Variants in VWF observed in about 807,000 individuals in gnomAD.
VWF encodes the protein Factor VIII related antigen.
VWF carries 176 observed loss-of-function variants against 308.6 expected under a neutral mutation model. The observed-to-expected ratio is 0.57, with a 90% CI of 0.50 to 0.65. VWF has a LOEUF of 0.65. Ranked by LOEUF, VWF falls within the 30% of genes least tolerant of loss-of-function variation. The pLI is 0.00. For missense variants in VWF, 3,146 were observed against 3,648.2 expected (o/e 0.86, Z 3.55); for synonymous variants, 1,385 against 1,443.4 (o/e 0.96, Z 0.92).
At chr12:6,001,250 T>C (rs955077615) in intron 34 of VWF, among the ~76,000 whole-genome samples, 1 of 152,026 alleles carries the variant, frequency 6.6e-6, no homozygotes, top group African/African-American at 2.4e-5. Flanking sequence ...GAAAAATATA[T>C]AACAAACAAT....
At chr12:6,106,875 CAAAAAAAA>C (rs201177758) in intron 5 of VWF, among the ~76,000 whole-genome samples, 383 of 34,806 alleles carry the variant, frequency 0.011, 5 homozygotes, top group African/African-American at 0.033. Context: ...AACTCCGACT[CAAAAAAAA>C]AAAAAAAAAA....
intron 6 of VWF, among the ~76,000 whole-genome samples, chr12:6,083,774 TG>T (rs1299426077): frequency 6.6e-6 from 1 of 152,170 alleles, no homozygotes; most frequent in Non-Finnish European, 1.5e-5. Flanking sequence ...CCCTTGCAGC[TG>T]GGGGCAGCCA....
At chr12:5,972,891 T>C (rs1943492879) in intron 43 of VWF, among the ~76,000 whole-genome samples, 1 of 152,106 alleles carries the variant, frequency 6.6e-6, no homozygotes. Flanking sequence ...AAACAAAGAC[T>C]CAAAGAACAC....
intron 47 of VWF, among the ~76,000 whole-genome samples, chr12:5,963,232 G>C (rs1490978493): frequency 6.6e-6 from 1 of 152,072 alleles, no homozygotes; most frequent in African/African-American, 2.4e-5. Flanking sequence ...ACCTTATAAA[G>C]GACTAGTATC....
chr12:6,012,125 C>A lies in VWF; in HGVS notation c.5626G>T (p.Val1876Phe), dbSNP rs776478608. ...CCATCCTCATCCATGCAAATCCTAA[C>A]AAATCCTGCAACAGACACAAATAAG... ...SFLHKLCSGFVRICMDEDGNE... is the reference protein window; with the variant it reads ...SFLHKLCSGFFRICMDEDGNE... The change falls in exon 33 of 52, where the codon GTT becomes TTT. Residue 1876 changes from valine to phenylalanine, a missense_variant. Coordinates refer to ENST00000261405, the MANE Select transcript of VWF (RefSeq NM_000552.5). The A allele has an allele frequency of 6.2e-7, 1 of 1,613,920 alleles. No individual in the cohort carries two copies. Among genetic ancestry groups the A allele is most frequent in the African/African-American group, 1.3e-5 (1 of 74,914 alleles).
rs143713553 is a variant in VWF at position 6,017,779 on chromosome 12, T to C, written c.5053+586A>G. 6.6e-3 allele frequency among the ~76,000 whole-genome samples: 1,009 copies of C among 152,300 alleles called. 47 individuals carry two copies. The highest frequency in any genetic ancestry group is 0.058 in the Admixed American group (889 of 15,300). ...TTTGCCTCATCCTTTGTATAGACGA[T>C]ATACAAAGAGGTTAAGTATTTGCCC... On this transcript the variant is annotated intron_variant, in intron 28 of 51. Transcript: ENST00000261405.
intron 10 of VWF, among the ~76,000 whole-genome samples, chr12:6,068,930 C>T (rs539932988): frequency 3.3e-5 from 5 of 149,768 alleles, no homozygotes; most frequent in South Asian, 4.2e-4. Flanking sequence ...CATCACAGCT[C>T]ACTGCAGCCT....
intron 42 of VWF, among the ~76,000 whole-genome samples, chr12:5,981,148 T>C (rs147869135): frequency 1.6e-4 from 25 of 152,334 alleles, no homozygotes; most frequent in African/African-American, 5.8e-4. Context: ...AGTAGTTGCT[T>C]AGTAAATATT....
intron 34 of VWF, among the ~76,000 whole-genome samples, chr12:6,007,266 C>A (rs1049643716): frequency 1.3e-5 from 2 of 152,170 alleles, no homozygotes; most frequent in Non-Finnish European, 2.9e-5. Context: ...CCAACAACAG[C>A]AAATTATACA....
At chr12:6,088,216 C>T (rs1288799054) in intron 6 of VWF, among the ~76,000 whole-genome samples, 2 of 150,596 alleles carry the variant, frequency 1.3e-5, no homozygotes, top group South Asian at 2.1e-4. Context: ...CGGTGGCTCA[C>T]GCCTGTAATC....
intron 27 of VWF, chr12:6,021,699 C>T: frequency 1.5e-6 from 1 of 655,310 alleles, no homozygotes; most frequent in Non-Finnish European, 2.5e-6. Context: ...TAGTCCATCC[C>T]TAAAGAAAAA....
Position 6,123,662 on chromosome 12 carries a change from T to C in VWF, c.1-466A>G, listed in dbSNP as rs570411993. Among the ~76,000 whole-genome samples the C allele has an allele frequency of 4.1e-4, 62 of 152,298 alleles. 1 individual carries two copies. In the South Asian group the frequency reaches 0.013, roughly 32 times the overall value. On this transcript the variant is annotated intron_variant, in intron 1 of 51. Coordinates refer to ENST00000261405, the MANE Select transcript of VWF (RefSeq NM_000552.5). ...AACCACCAACTTGACGGTTTGCTTGTTGGCCCCTGACTCTGTACCACAAGT... is the reference window on the plus strand; with the variant it reads ...AACCACCAACTTGACGGTTTGCTTGCTGGCCCCTGACTCTGTACCACAAGT...
Position 6,025,799 on chromosome 12 carries a change from G to A in VWF, c.3109-106C>T, listed in dbSNP as rs118072723. The A allele has an allele frequency of 1.2e-3, 1,915 of 1,596,060 alleles. 31 individuals are homozygous for A. The East Asian group carries it at 0.037, about 31-fold the overall frequency. On this transcript the variant is annotated intron_variant, in intron 23 of 51. Transcript: ENST00000261405. Reference sequence around the variant, plus strand: ...CCTTCCCACCCTGCAGCCACCTGGAGGTCATACCACCCACAACCCCCCTTC... The same window carrying A: ...CCTTCCCACCCTGCAGCCACCTGGAAGTCATACCACCCACAACCCCCCTTC...
chr12:5,958,362 A>C (rs1206375482), intron 47 of VWF, among the ~76,000 whole-genome samples: 1 of 152,186 alleles, frequency 6.6e-6, no homozygotes, highest in Non-Finnish European at 1.5e-5. Flanking sequence ...TAGACAAATT[A>C]GTCAAAATAA....
chr12:6,000,088 G>A (rs1276089592), intron 34 of VWF, among the ~76,000 whole-genome samples: 1 of 152,056 alleles, frequency 6.6e-6, no homozygotes, highest in African/African-American at 2.4e-5. Flanking sequence ...ACAAAACAAT[G>A]GAACAGAACT....
chr12:6,076,140 A>G (rs1369457954), intron 6 of VWF, among the ~76,000 whole-genome samples: 2 of 152,096 alleles, frequency 1.3e-5, no homozygotes, highest in African/African-American at 4.8e-5. Flanking sequence ...CAGCAACAGC[A>G]TGCGCTGATT....
chr12:6,055,746 A>G (rs921230058), intron 15 of VWF, among the ~76,000 whole-genome samples: 8 of 127,370 alleles, frequency 6.3e-5, no homozygotes, highest in Non-Finnish European at 9.8e-5. Flanking sequence ...TCTACTTTAT[A>G]TATATATATA....
chr12:6,067,436 C>T (rs1220038718), intron 10 of VWF, among the ~76,000 whole-genome samples: 3 of 152,188 alleles, frequency 2.0e-5, no homozygotes, highest in African/African-American at 4.8e-5. Flanking sequence ...TGCAAATATT[C>T]GAAAGGAAAA....
intron 6 of VWF, among the ~76,000 whole-genome samples, chr12:6,076,814 A>G (rs1944849842): frequency 6.6e-6 from 1 of 152,206 alleles, no homozygotes; most frequent in African/African-American, 2.4e-5. Context: ...AGTCGGGGCC[A>G]GGGGCCAGGC....
Sources: allele counts gnomAD v4.1 joint callset (sites outside exome capture counted in the v4.1 genomes callset), GRCh38; gene constraint gnomAD v4.1.1; transcripts MANE v1.5; gene names NCBI Gene and HGNC (gene_info 2026-07-23, HGNC 2026-07-21).